RMC1: variants seen among roughly 807,000 people sequenced by gnomAD.
RMC1 encodes regulator of MON1-CCZ1 complex.
A neutral mutation model predicts 95.5 loss-of-function variants in RMC1; 44 were observed. The ratio of observed to expected loss-of-function variants is 0.46; its 90% confidence interval spans 0.36 to 0.59. The LOEUF is 0.59. Ranked by LOEUF, RMC1 falls within the 20% of genes least tolerant of loss-of-function variation. RMC1 has a pLI of 0.00. For missense variants in RMC1, 705 were observed against 819.6 expected (o/e 0.86, Z 1.71); for synonymous variants, 320 against 303.6 (o/e 1.05, Z -0.56).
chr18:23,524,801 C>T (rs372440693), intron 12 of RMC1, among the ~76,000 whole-genome samples: 1 of 152,096 alleles, frequency 6.6e-6, no homozygotes. Flanking sequence ...TCATTTCTCC[C>T]ATCGACCTTC....
chr18:23,528,986 T>C (rs1001798059), intron 14 of RMC1, 193 bp from the exon 15 acceptor site: 16 of 813,128 alleles, frequency 2.0e-5, no homozygotes, highest in Non-Finnish European at 2.7e-5. Context: ...TTCAAGGGAT[T>C]CTCCTGCCTC....
At chr18:23,509,646 T>G (rs1365247570) in intron 5 of RMC1, 1 of 153,516 alleles carries the variant, frequency 6.5e-6, no homozygotes. Flanking sequence ...CACCGCAACC[T>G]CCGCCTCCCA....
At chr18:23,523,178 G>T (rs1315151450) in intron 10 of RMC1, among the ~76,000 whole-genome samples, 1 of 152,176 alleles carries the variant, frequency 6.6e-6, no homozygotes, top group East Asian at 1.9e-4. Flanking sequence ...CCTTTGGGTG[G>T]TCTGTTCACA....
chr18:23,514,191 G>A (rs1335814017), intron 5 of RMC1, among the ~76,000 whole-genome samples: 1 of 152,210 alleles, frequency 6.6e-6, no homozygotes, highest in African/African-American at 2.4e-5. Flanking sequence ...TTAATGCCAT[G>A]GTGCTTTGCT....
Position 23,531,794 on chromosome 18 carries a change from GTATC to G in RMC1, c.*93_*96del. The G allele has an allele frequency of 6.5e-7, 1 of 1,541,648 alleles. No individual in the cohort carries two copies. The highest frequency in any genetic ancestry group is 8.7e-7 in the Non-Finnish European group (1 of 1,152,316). On this transcript the variant is annotated 3_prime_UTR_variant, in exon 20 of 20. Coordinates refer to ENST00000269221, the MANE Select transcript of RMC1 (RefSeq NM_013326.5). The stretch of plus-strand genomic sequence containing the variant: ...TTTAAACTATAAAATGTTATAAAGT[GTATC>G]TACAACCTCAACTGTCACTAAAAAT...
At chr18:23,528,947 T>C (rs1432641960) in intron 14 of RMC1, 4 of 491,448 alleles carry the variant, frequency 8.1e-6, no homozygotes, top group Non-Finnish European at 1.4e-5. Flanking sequence ...TGGTGAGATC[T>C]TGGCTCACCG....
chr18:23,506,598 T>C (rs1222651323), intron 2 of RMC1: 2 of 225,064 alleles, frequency 8.9e-6, no homozygotes, highest in Non-Finnish European at 1.8e-5. Flanking sequence ...GCATAATGAA[T>C]GTGCTGTGAG....
Position 23,515,560 on chromosome 18 carries a change from GCT to G in RMC1, c.409-293_409-292del, listed in dbSNP as rs549935688. Among the ~76,000 whole-genome samples the G allele has an allele frequency of 1.7e-4, 26 of 152,250 alleles. No homozygotes were observed. The South Asian group carries it at 5.4e-3, about 32-fold the overall frequency. On this transcript the variant is annotated intron_variant, in intron 5 of 19. Coordinates refer to ENST00000269221, the MANE Select transcript of RMC1 (RefSeq NM_013326.5). ...TATTTATTAATTGAGACTGAATCTC[GCT>G]CTGTCACTCACGCTGGAGTGTGATG...
At chr18:23,506,152 G>C (rs894316951) in intron 2 of RMC1, 37 of 146,614 alleles carry the variant, frequency 2.5e-4, no homozygotes, top group African/African-American at 7.8e-4. Flanking sequence ...GGGCAACAGA[G>C]CAAGACTCCG....
chr18:23,524,306 T>C, intron 11 of RMC1, 123 bp from the exon 12 acceptor site: 1 of 1,481,678 alleles, frequency 6.7e-7, no homozygotes, highest in East Asian at 2.3e-5. Flanking sequence ...CTTCCCTGAC[T>C]GTCCAGGGGC....
In RMC1 at chr18:23,518,923, T is replaced by G. The variant is rs1327244271; in HGVS notation, c.687T>G (p.His229Gln). ...YGQLYVLFLR[H>Q]HSRTSNSTGA... ...AGCTGTATGTTCTCTTCTTGAGGCA[T>G]CATTCTCGGACCTCCAACAGCACAG... Residue 229 changes from histidine (H) to glutamine (Q), a missense_variant, in exon 8 of 20, where the codon CAT becomes CAG. His to Gln is a conservative substitution (Grantham distance 24). Coordinates refer to ENST00000269221, the MANE Select transcript of RMC1 (RefSeq NM_013326.5). The G allele has an allele frequency of 1.2e-6, 2 of 1,614,072 alleles. No homozygotes were observed. Among genetic ancestry groups the G allele is most frequent in the African/African-American group, 1.3e-5 (1 of 74,942 alleles).
At chr18:23,531,470 T>G in intron 19 of RMC1, 155 bp from the exon 20 acceptor site, 1 of 1,408,576 alleles carries the variant, frequency 7.1e-7, no homozygotes, top group South Asian at 1.6e-5. Flanking sequence ...TGTATTTGTC[T>G]CTCAAAGCAG....
At chr18:23,514,401 A>AG (rs1339655437) in intron 5 of RMC1, among the ~76,000 whole-genome samples, 1 of 152,192 alleles carries the variant, frequency 6.6e-6, no homozygotes, top group Non-Finnish European at 1.5e-5. Flanking sequence ...AAATAAAAAT[A>AG]CAAAAATTAG....
chr18:23,511,244 CAT>C (rs2057850185), intron 5 of RMC1, among the ~76,000 whole-genome samples: 1 of 152,058 alleles, frequency 6.6e-6, no homozygotes. Context: ...CCAAATACCA[CAT>C]GATCTCACTT....
At chr18:23,527,128 A>G (rs1449414033) in intron 13 of RMC1, among the ~76,000 whole-genome samples, 1 of 150,920 alleles carries the variant, frequency 6.6e-6, no homozygotes, top group Non-Finnish European at 1.5e-5. Context: ...TCATGCTTAT[A>G]ATCCCAGCAC....
At chr18:23,527,627 G>A (rs1341848093) in intron 13 of RMC1, among the ~76,000 whole-genome samples, 168 bp from the exon 14 acceptor site, 1 of 142,244 alleles carries the variant, frequency 7.0e-6, no homozygotes, top group Non-Finnish European at 1.5e-5. Context: ...TAACCAGAAA[G>A]GGGTTGCGAA....
At chr18:23,526,231 G>C (rs971013540) in intron 12 of RMC1, among the ~76,000 whole-genome samples, 1 of 152,210 alleles carries the variant, frequency 6.6e-6, no homozygotes, top group Non-Finnish European at 1.5e-5. Flanking sequence ...AAACTAATGA[G>C]CTGTTGTAGG....
rs774863240 is a variant in RMC1, at chr18:23,520,330, A to G, written c.961+17A>G. ...CCATCACAGGTAACACGGGTTCTGT[A>G]GAGGAGTCTGTGCTGCCCTTTCACC... On this transcript the variant is annotated intron_variant, in intron 10 of 19. Coordinates refer to ENST00000269221, the MANE Select transcript of RMC1 (RefSeq NM_013326.5). 6.3e-7 allele frequency: 1 copy of G among 1,590,950 alleles called. No individual in the cohort carries two copies. The highest frequency in any genetic ancestry group is 8.6e-7 in the Non-Finnish European group (1 of 1,159,562).
At position 23,529,102 on chromosome 18, in the gene RMC1, G is replaced by GTC. The variant is rs1305544026; in HGVS notation, c.1297-76_1297-75dup. On this transcript the variant is annotated intron_variant, in intron 14 of 19. Coordinates refer to ENST00000269221, the MANE Select transcript of RMC1 (RefSeq NM_013326.5). ...TCCTGGGTCCACATCGAAGAATTCA[G>GTC]TCCTTGTGGATGAACTGTAAACAGC... 5.2e-6 allele frequency: 8 copies of GTC among 1,547,014 alleles called. No homozygotes were observed. In the Admixed American group the frequency reaches 1.2e-4, roughly 24 times the overall value.
Sources: allele counts gnomAD v4.1 joint callset (sites outside exome capture counted in the v4.1 genomes callset), GRCh38; gene constraint gnomAD v4.1.1; transcripts MANE v1.5; gene names NCBI Gene and HGNC (gene_info 2026-07-23, HGNC 2026-07-21).